The following CAMTA1 variants were observed in gnomAD, a reference collection of about 807,000 sequenced individuals.
The protein encoded by CAMTA1 is calmodulin-binding transcription activator 1.
In CAMTA1, 27 loss-of-function variants were observed where a neutral mutation model predicts 170.9. The observed-to-expected ratio is 0.16, with a 90% CI of 0.12 to 0.22. The LOEUF is 0.22. Ranked by LOEUF, CAMTA1 falls within the 10% of genes least tolerant of loss-of-function variation. CAMTA1 has a pLI of 1.00. For missense variants in CAMTA1, 1,619 were observed against 2,217.2 expected (o/e 0.73, Z 5.42); for synonymous variants, 833 against 891.5 (o/e 0.93, Z 1.17).
chr1:7,197,635 CACA>C (rs1655785311), intron 4 of CAMTA1, among the ~76,000 whole-genome samples: 3 of 104,312 alleles, frequency 2.9e-5, no homozygotes, highest in African/African-American at 4.7e-5. Flanking sequence ...CCACCACACA[CACA>C]CACACACACA....
chr1:7,668,424 C>A (rs1320642762), intron 9 of CAMTA1, among the ~76,000 whole-genome samples: 1 of 138,446 alleles, frequency 7.2e-6, no homozygotes, highest in Non-Finnish European at 1.5e-5. Flanking sequence ...CACACACACA[C>A]ACACACACCC....
At chr1:7,719,246 T>C (rs943554948) in intron 11 of CAMTA1, among the ~76,000 whole-genome samples, 3 of 152,208 alleles carry the variant, frequency 2.0e-5, no homozygotes. Context: ...TGTTGTGATG[T>C]GGCTGCCTGA....
intron 5 of CAMTA1, among the ~76,000 whole-genome samples, chr1:7,423,220 C>T (rs1459777573): frequency 6.6e-6 from 1 of 152,190 alleles, no homozygotes; most frequent in Admixed American, 6.5e-5. Context: ...CCTGTAAGCC[C>T]AGCACTTTGG....
intron 3 of CAMTA1, among the ~76,000 whole-genome samples, chr1:6,858,705 CCTT>C (rs1323479910): frequency 6.6e-6 from 1 of 152,116 alleles, no homozygotes; most frequent in Admixed American, 6.5e-5. Context: ...GGCTGTAGCT[CCTT>C]CTAATTTATG....
intron 3 of CAMTA1, among the ~76,000 whole-genome samples, chr1:7,056,562 G>T (rs1266793147): frequency 2.6e-5 from 4 of 152,172 alleles, no homozygotes; most frequent in African/African-American, 9.6e-5. Context: ...ATTGATGGAT[G>T]AATTTAACCC....
chr1:7,128,827 C>T (rs1267645355), intron 4 of CAMTA1, among the ~76,000 whole-genome samples: 1 of 143,672 alleles, frequency 7.0e-6, no homozygotes, highest in African/African-American at 2.6e-5. Context: ...ATTAGCTCCC[C>T]CTCCTTTTTT....
intron 6 of CAMTA1, among the ~76,000 whole-genome samples, chr1:7,496,504 G>A (rs1347392424): frequency 6.6e-6 from 1 of 152,186 alleles, no homozygotes; most frequent in Non-Finnish European, 1.5e-5. Flanking sequence ...CAGCAGACAG[G>A]GCGGACATGG....
At chr1:6,998,420 G>A (rs1224950213) in intron 3 of CAMTA1, among the ~76,000 whole-genome samples, 4 of 152,118 alleles carry the variant, frequency 2.6e-5, no homozygotes, top group South Asian at 4.2e-4. Flanking sequence ...GGAGCTCTGC[G>A]TGCTCTCCGC....
intron 1 of CAMTA1, among the ~76,000 whole-genome samples, chr1:6,785,801 C>T (rs1639059736): frequency 7.3e-6 from 1 of 136,108 alleles, no homozygotes; most frequent in Non-Finnish European, 1.6e-5. Flanking sequence ...CCACACCCCA[C>T]CCCCGGGGGC....
intron 6 of CAMTA1, among the ~76,000 whole-genome samples, chr1:7,568,763 TCATCACCATCA>T (rs1195585085): frequency 2.0e-5 from 3 of 149,500 alleles, no homozygotes; most frequent in Non-Finnish European, 4.4e-5. Flanking sequence ...ATCACCATCA[TCATCACCATCA>T]CATCACCATC....
At chr1:7,391,649 C>T (rs573027288) in intron 5 of CAMTA1, among the ~76,000 whole-genome samples, 108 of 152,248 alleles carry the variant, frequency 7.1e-4, no homozygotes, top group South Asian at 2.5e-3. Context: ...CTCACTGCAC[C>T]TCTTTGTCAG....
chr1:7,602,208 T>C (rs567546174), intron 6 of CAMTA1, among the ~76,000 whole-genome samples: 2 of 147,526 alleles, frequency 1.4e-5, no homozygotes, highest in African/African-American at 5.0e-5. Context: ...TTCTATTGAT[T>C]GGAGTAGTTT....
intron 5 of CAMTA1, among the ~76,000 whole-genome samples, chr1:7,308,631 G>A (rs1232466195): frequency 6.6e-6 from 1 of 152,008 alleles, no homozygotes; most frequent in Non-Finnish European, 1.5e-5. Flanking sequence ...CAAATATTTG[G>A]AGATTTTCCT....
At chr1:6,898,307 A>T (rs1676102019) in intron 3 of CAMTA1, among the ~76,000 whole-genome samples, 1 of 152,074 alleles carries the variant, frequency 6.6e-6, no homozygotes, top group Non-Finnish European at 1.5e-5. Context: ...TAATCTCAGC[A>T]CTCTGGGAGG....
intron 3 of CAMTA1, among the ~76,000 whole-genome samples, chr1:6,976,771 C>T (rs1463179958): frequency 6.6e-6 from 1 of 152,182 alleles, no homozygotes; most frequent in Admixed American, 6.5e-5. Flanking sequence ...TATGGTTTCG[C>T]TGTGTCCCCA....
At chr1:7,177,997 C>T (rs770993511) in intron 4 of CAMTA1, among the ~76,000 whole-genome samples, 1 of 152,090 alleles carries the variant, frequency 6.6e-6, no homozygotes. Context: ...GGAGGCTCCT[C>T]CTACACACTG....
intron 3 of CAMTA1, among the ~76,000 whole-genome samples, chr1:6,888,495 G>A (rs1278166657): frequency 1.3e-5 from 2 of 152,154 alleles, no homozygotes; most frequent in African/African-American, 2.4e-5. Context: ...CTGTAATATC[G>A]ACATCTAGTG....
chr1:7,356,337 GCAC>G (rs2085109988), intron 5 of CAMTA1, among the ~76,000 whole-genome samples: 1 of 152,240 alleles, frequency 6.6e-6, no homozygotes, highest in African/African-American at 2.4e-5. Flanking sequence ...ATGCTGAATT[GCAC>G]CACACCTGTC....
At chr1:6,968,934 C>CT (rs1692050495) in intron 3 of CAMTA1, among the ~76,000 whole-genome samples, 2 of 152,084 alleles carry the variant, frequency 1.3e-5, no homozygotes, top group Non-Finnish European at 2.9e-5. Flanking sequence ...CTGAGGTGGG[C>CT]TGCAGAGGCA....
Sources: gnomAD v4.1 joint callset for allele counts (sites outside exome capture counted in the v4.1 genomes callset) on GRCh38, gnomAD v4.1.1 for gene constraint, MANE v1.5 for transcripts, NCBI Gene and HGNC (gene_info 2026-07-23, HGNC 2026-07-21) for gene names.